GABBR2: variants seen among roughly 807,000 people sequenced by gnomAD.
GABBR2 encodes G-protein coupled receptor 51.
In GABBR2, 23 loss-of-function variants were observed where a neutral mutation model predicts 105.6. That is an observed-to-expected ratio of 0.22 (90% CI 0.16 to 0.31). The LOEUF (loss-of-function observed/expected upper bound fraction) is 0.31. GABBR2 is among the 10% of genes least tolerant of loss of function. The probability of loss-of-function intolerance (pLI) is 1.00; values close to 1 mark genes in which losing one functional copy is unlikely to be tolerated. For missense variants in GABBR2, 734 were observed against 1,245.5 expected, an observed-to-expected ratio of 0.59 and a Z score of 6.18; for synonymous variants, 478 against 499.7, an observed-to-expected ratio of 0.96 and a Z score of 0.58.
chr9:98,611,224 G>T (rs1057253960), intron 1 of GABBR2, among the ~76,000 whole-genome samples: 1 of 152,160 alleles, frequency 6.6e-6, no homozygotes, highest in African/African-American at 2.4e-5. Flanking sequence ...CTCCTGCCCT[G>T]TAAGGCCCTC....
intron 1 of GABBR2, among the ~76,000 whole-genome samples, chr9:98,595,849 C>T (rs1167764): frequency 0.066 from 10,083 of 151,992 alleles, 1,016 homozygotes; most frequent in East Asian, 0.49. Context: ...TGGAGATGAG[C>T]CAATCTGGGT....
Position 98,508,901 on chromosome 9 carries a change from T to C in GABBR2, c.631-12387A>G, listed in dbSNP as rs1441082850. On this transcript the variant is annotated intron_variant, in intron 3 of 18. Transcript: ENST00000259455. ...CTCTGCAGACTTAAATGTCCCTGTC[T>C]GACAGCTTTGAAGAGAGTAGTGGTT... Among the ~76,000 whole-genome samples the C allele has an allele frequency of 2.6e-5, 4 of 152,310 alleles. No homozygotes were observed. The East Asian group carries it at 7.7e-4, about 29-fold the overall frequency.
intron 2 of GABBR2, among the ~76,000 whole-genome samples, chr9:98,550,205 G>A (rs1031356171): frequency 3.3e-5 from 5 of 152,126 alleles, no homozygotes; most frequent in African/African-American, 1.2e-4. Flanking sequence ...GGCAGGTGCC[G>A]TTAGTAATCG....
At chr9:98,582,390 C>T (rs1174424087) in intron 1 of GABBR2, among the ~76,000 whole-genome samples, 1 of 152,172 alleles carries the variant, frequency 6.6e-6, no homozygotes, top group African/African-American at 2.4e-5. Context: ...CCAGAATGAG[C>T]CTGGAAGCAA....
chr9:98,406,845 G>C lies in GABBR2; in HGVS notation c.1237-704C>G, dbSNP rs1832498927. Among the ~76,000 whole-genome samples the C allele has an allele frequency of 2.0e-5, 3 of 152,180 alleles. No homozygotes were observed. In the South Asian group the frequency reaches 6.2e-4, roughly 32 times the overall value. On this transcript the variant is annotated intron_variant, in intron 7 of 18. Coordinates refer to ENST00000259455, the MANE Select transcript of GABBR2 (RefSeq NM_005458.8). ...CTTGGCTAAATATATCAGGAATTTA[G>C]AGATGGAATGTCATCTCTTCTTTCC... is the stretch of plus-strand genomic sequence containing the variant.
At chr9:98,624,816 CG>C (rs1564133968) in intron 1 of GABBR2, among the ~76,000 whole-genome samples, 1 of 152,118 alleles carries the variant, frequency 6.6e-6, no homozygotes, top group Non-Finnish European at 1.5e-5. Context: ...GCCCCGAGCC[CG>C]GGGCAGACAG....
chr9:98,372,047 C>T (rs1831793411), intron 11 of GABBR2, among the ~76,000 whole-genome samples: 1 of 152,236 alleles, frequency 6.6e-6, no homozygotes, highest in South Asian at 2.1e-4. Flanking sequence ...GGCCACTGAG[C>T]CCACACTTAG....
chr9:98,610,693 A>T (rs765301007), intron 1 of GABBR2, among the ~76,000 whole-genome samples: 1 of 152,106 alleles, frequency 6.6e-6, no homozygotes, highest in Non-Finnish European at 1.5e-5. Flanking sequence ...GGAGAGGCAC[A>T]AAAGGATTGG....
chr9:98,565,394 C>G (rs1305363832), intron 2 of GABBR2, among the ~76,000 whole-genome samples: 5 of 152,146 alleles, frequency 3.3e-5, no homozygotes. Context: ...TGCAGAGGCC[C>G]AAGAGGGACG....
intron 7 of GABBR2, among the ~76,000 whole-genome samples, chr9:98,445,197 A>G (rs1468863713): frequency 6.6e-6 from 1 of 152,186 alleles, no homozygotes; most frequent in Non-Finnish European, 1.5e-5. Flanking sequence ...AGGGGATCAG[A>G]GAAAGGAAGG....
intron 4 of GABBR2, among the ~76,000 whole-genome samples, chr9:98,486,982 T>C (rs59703269): frequency 0.038 from 5,739 of 152,084 alleles, 444 homozygotes; most frequent in East Asian, 0.36. Flanking sequence ...CTTCACTCTG[T>C]CCGTAAAGGC....
intron 3 of GABBR2, among the ~76,000 whole-genome samples, chr9:98,524,523 G>A (rs781417054): frequency 2.6e-5 from 4 of 152,180 alleles, no homozygotes; most frequent in Non-Finnish European, 4.4e-5. Context: ...TTCAACAGGC[G>A]TATCTAAACT....
At chr9:98,659,026 T>C (rs1830219239) in intron 1 of GABBR2, among the ~76,000 whole-genome samples, 1 of 152,208 alleles carries the variant, frequency 6.6e-6, no homozygotes. Flanking sequence ...ATATTCACTT[T>C]ATAAAGCTGC....
intron 7 of GABBR2, among the ~76,000 whole-genome samples, chr9:98,444,480 T>C (rs984283937): frequency 6.6e-6 from 1 of 152,102 alleles, no homozygotes; most frequent in Non-Finnish European, 1.5e-5. Flanking sequence ...AAGGGAAAAG[T>C]GCTTAGAATG....
intron 1 of GABBR2, among the ~76,000 whole-genome samples, chr9:98,630,730 G>A (rs1353990484): frequency 6.6e-6 from 1 of 152,154 alleles, no homozygotes; most frequent in Non-Finnish European, 1.5e-5. Context: ...GTCAGTGTGA[G>A]AGGCCTCAAG....
intron 17 of GABBR2, among the ~76,000 whole-genome samples, chr9:98,297,946 C>T (rs918898510): frequency 1.3e-5 from 2 of 148,328 alleles, no homozygotes; most frequent in Non-Finnish European, 3.0e-5. Flanking sequence ...ATTGCTTGAA[C>T]AATTCTCCAG....
intron 3 of GABBR2, among the ~76,000 whole-genome samples, chr9:98,498,723 C>T (rs1172855021): frequency 1.3e-5 from 2 of 152,182 alleles, no homozygotes; most frequent in Non-Finnish European, 2.9e-5. Context: ...GTCCATCCTT[C>T]GTTTTTACCT....
At chr9:98,698,551 G>A (rs1031819304) in intron 1 of GABBR2, among the ~76,000 whole-genome samples, 1 of 151,162 alleles carries the variant, frequency 6.6e-6, no homozygotes, top group Non-Finnish European at 1.5e-5. Flanking sequence ...CCAGGCTGGA[G>A]AGCAGTGGTG....
chr9:98,446,412 AG>A lies in GABBR2; in HGVS notation c.1236+7568del, dbSNP rs557466227. Reference sequence around the variant, plus strand: ...CACAGAGATGTAAGTAACTTCTCCAAGGTCACACAGCTCTAAGAGATACATA... The same window carrying A: ...CACAGAGATGTAAGTAACTTCTCCAAGTCACACAGCTCTAAGAGATACATA... On this transcript the variant is annotated intron_variant, in intron 7 of 18. Transcript: ENST00000259455. Among the ~76,000 whole-genome samples, 5 of 152,366 alleles carry A rather than the reference AG, an allele frequency of 3.3e-5. No individual in the cohort carries two copies. In the East Asian group the frequency reaches 9.6e-4, roughly 29 times the overall value.
Sources: gnomAD v4.1 joint callset for allele counts (sites outside exome capture counted in the v4.1 genomes callset) on GRCh38, gnomAD v4.1.1 for gene constraint, MANE v1.5 for transcripts, NCBI Gene and HGNC (gene_info 2026-07-23, HGNC 2026-07-21) for gene names.